STX17: variants seen among roughly 807,000 people sequenced by gnomAD.
STX17 encodes the protein syntaxin 17.
A neutral mutation model predicts 35.9 loss-of-function variants in STX17; 29 were observed. The observed-to-expected ratio is 0.81, with a 90% CI of 0.60 to 1.10. The LOEUF is 1.10. STX17 is among the 50% of genes least tolerant of loss of function. STX17 has a pLI of 0.00. For synonymous variants in STX17, 92 were observed against 118.3 expected (o/e 0.78, Z 1.44); for missense variants, 312 against 352.3 (o/e 0.89, Z 0.92).
chr9:99,968,590 C>A lies in STX17; in HGVS notation c.826C>A (p.Gln276Lys), dbSNP rs1157676874. 6.2e-7 allele frequency: 1 copy of A among 1,613,826 alleles called. No individual in the cohort carries two copies. Among genetic ancestry groups the A allele is most frequent in the Non-Finnish European group, 8.5e-7 (1 of 1,179,924 alleles). Residue 276 changes from glutamine (Q) to lysine (K), a missense_variant, in exon 8 of 8, where the codon CAA (glutamine) becomes AAA (lysine). Physicochemically the swap from Gln to Lys is moderately conservative, Grantham distance 53. Transcript: ENST00000259400. Reference protein sequence around the residue: ...VLGFTGGKLIQRKKQKMMEKL... With the variant: ...VLGFTGGKLIKRKKQKMMEKL... ...GGGCTTCACAGGTGGAAAATTGATA[C>A]AAAGAAAGAAACAGAAAATGATGGA... is the stretch of plus-strand genomic sequence containing the variant.
chr9:99,967,599 G>T (rs1829942006), intron 6 of STX17, 54 bp from the exon 7 acceptor site: 3 of 1,521,726 alleles, frequency 2.0e-6, no homozygotes, highest in East Asian at 4.6e-5. Context: ...AGTGTGTGTT[G>T]GCTCCCTGCT....
intron 4 of STX17, among the ~76,000 whole-genome samples, chr9:99,955,101 A>G (rs1488102137): frequency 6.6e-6 from 1 of 152,134 alleles, no homozygotes. Flanking sequence ...GATTCAAGTC[A>G]TACAGAGTGA....
chr9:99,915,502 AT>A, intron 2 of STX17, 140 bp downstream of exon 2: 1 of 1,056,892 alleles, frequency 9.5e-7, no homozygotes, highest in Non-Finnish European at 1.3e-6. Context: ...AACATTATGC[AT>A]TTTTTAGCTG....
At chr9:99,925,377 C>T (rs1263368192) in intron 2 of STX17, among the ~76,000 whole-genome samples, 2 of 151,932 alleles carry the variant, frequency 1.3e-5, no homozygotes, top group Non-Finnish European at 2.9e-5. Context: ...TGTTATTTTT[C>T]AAAGAGATTG....
chr9:99,932,035 T>G (rs1200433197), intron 3 of STX17, among the ~76,000 whole-genome samples: 1 of 152,208 alleles, frequency 6.6e-6, no homozygotes, highest in Non-Finnish European at 1.5e-5. Context: ...TATTTAGTTT[T>G]CTGAAGAAGA....
At chr9:99,919,635 A>C (rs759104785) in intron 2 of STX17, among the ~76,000 whole-genome samples, 1 of 152,204 alleles carries the variant, frequency 6.6e-6, no homozygotes, top group African/African-American at 2.4e-5. Flanking sequence ...GATTTTGGAA[A>C]AGAGTAGAGA....
intron 6 of STX17, among the ~76,000 whole-genome samples, chr9:99,960,997 T>C (rs1360459717): frequency 6.6e-6 from 1 of 152,034 alleles, no homozygotes; most frequent in Non-Finnish European, 1.5e-5. Context: ...ATGGAGTATA[T>C]TTGAGAAGCT....
At chr9:99,956,827 A>AT (rs1433258511) in intron 4 of STX17, among the ~76,000 whole-genome samples, 3 of 152,250 alleles carry the variant, frequency 2.0e-5, no homozygotes, top group Non-Finnish European at 4.4e-5. Context: ...TAAAGCATTC[A>AT]TAGGCTTTAA....
At chr9:99,962,775 A>G (rs1229463722) in intron 6 of STX17, among the ~76,000 whole-genome samples, 1 of 152,192 alleles carries the variant, frequency 6.6e-6, no homozygotes, top group African/African-American at 2.4e-5. Context: ...ATGAGACAGA[A>G]TGCTAATAAG....
intron 1 of STX17, among the ~76,000 whole-genome samples, chr9:99,908,283 T>C (rs1828591275): frequency 6.6e-6 from 1 of 152,240 alleles, no homozygotes; most frequent in Non-Finnish European, 1.5e-5. Context: ...CGTACGCATA[T>C]CCTGTTTCTC....
intron 6 of STX17, among the ~76,000 whole-genome samples, chr9:99,965,404 C>T (rs554680735): frequency 6.6e-6 from 1 of 152,282 alleles, no homozygotes; most frequent in South Asian, 2.1e-4. Flanking sequence ...GCTCCTCCCT[C>T]TTGCTGGAAT....
At chr9:99,933,479 G>T (rs1488285087) in intron 3 of STX17, among the ~76,000 whole-genome samples, 1 of 152,058 alleles carries the variant, frequency 6.6e-6, no homozygotes, top group African/African-American at 2.4e-5. Flanking sequence ...TGGGAAGTTG[G>T]GAGTTGCATT....
chr9:99,907,563 C>T (rs1042702088), intron 1 of STX17, among the ~76,000 whole-genome samples: 13 of 152,286 alleles, frequency 8.5e-5, no homozygotes, highest in African/African-American at 2.9e-4. Context: ...CCTGGCACCC[C>T]TCTCTCCAAG....
chr9:99,950,703 C>A (rs543427872), intron 3 of STX17, among the ~76,000 whole-genome samples: 1 of 151,508 alleles, frequency 6.6e-6, no homozygotes, highest in African/African-American at 2.4e-5. Context: ...GTGCATGAGC[C>A]GTGAGAAATG....
rs1309315558 is a variant in STX17 at position 99,969,580 on chromosome 9, C to T, written c.*907C>T. On this transcript the variant is annotated 3_prime_UTR_variant, in exon 8 of 8. Coordinates refer to ENST00000259400, the MANE Select transcript of STX17 (RefSeq NM_017919.3). ...AAAAGAAATTTCGAGATATTTTCAA[C>T]ATTGTTAGAGTTTGGGCTAAAATGA... 6.6e-6 allele frequency: 1 copy of T among 152,450 alleles called. No individual in the cohort carries two copies. Among genetic ancestry groups the T allele is most frequent in the Non-Finnish European group, 1.5e-5 (1 of 68,028 alleles). The allele number at this position is 152,450 out of a possible 1,614,324, so 9.4% of individuals were successfully genotyped here.
At chr9:99,931,493 C>CT (rs5899396) in intron 3 of STX17, among the ~76,000 whole-genome samples, 2,671 of 144,234 alleles carry the variant, frequency 0.019, 80 homozygotes, top group African/African-American at 0.062. Flanking sequence ...TCATTTTGCT[C>CT]TTTTTTTTTT....
intron 3 of STX17, among the ~76,000 whole-genome samples, chr9:99,944,716 A>G (rs1829441960): frequency 6.6e-6 from 1 of 151,920 alleles, no homozygotes; most frequent in Admixed American, 6.6e-5. Context: ...GGGTTTCGCC[A>G]TGTTTGTCAG....
At chr9:99,952,161 G>C (rs999800173) in intron 4 of STX17, among the ~76,000 whole-genome samples, 6 of 152,026 alleles carry the variant, frequency 3.9e-5, no homozygotes, top group Admixed American at 3.9e-4. Context: ...AAAAGGTGGA[G>C]TATAAGTAAG....
chr9:99,962,524 G>GT (rs1829847060), intron 6 of STX17, among the ~76,000 whole-genome samples: 1 of 152,094 alleles, frequency 6.6e-6, no homozygotes. Context: ...CAATAAAGCT[G>GT]ATTTTAAAAA....
Sources: gnomAD v4.1 joint callset for allele counts (sites outside exome capture counted in the v4.1 genomes callset) on GRCh38, gnomAD v4.1.1 for gene constraint, MANE v1.5 for transcripts, NCBI Gene and HGNC (gene_info 2026-07-23, HGNC 2026-07-21) for gene names.